The following TLN2 variants were observed in gnomAD, a reference collection of about 807,000 sequenced individuals.
TLN2 encodes talin-2.
TLN2 carries 118 observed loss-of-function variants against 294.7 expected under a neutral mutation model. The ratio of observed to expected loss-of-function variants is 0.40; its 90% CI spans 0.34 to 0.47. The LOEUF is 0.47. Ranked by LOEUF, TLN2 falls within the 20% of genes least tolerant of loss-of-function variation. The probability of loss-of-function intolerance (pLI) is 0.84; values close to 1 mark genes in which losing one functional copy is unlikely to be tolerated. For missense variants in TLN2, 3,083 were observed against 3,282.2 expected, an observed-to-expected ratio of 0.94 and a Z score of 1.48; for synonymous variants, 1,431 against 1,304.5, an observed-to-expected ratio of 1.10 and a Z score of -2.09.
At chr15:62,625,160 A>T (rs2049168308) in intron 3 of TLN2, among the ~76,000 whole-genome samples, 1 of 152,096 alleles carries the variant, frequency 6.6e-6, no homozygotes. Context: ...CTTGCAAACC[A>T]CACAGAACTG....
At chr15:62,775,982 G>C (rs1435879787) in intron 42 of TLN2, among the ~76,000 whole-genome samples, 2 of 152,168 alleles carry the variant, frequency 1.3e-5, no homozygotes, top group Non-Finnish European at 2.9e-5. Flanking sequence ...CCAAGCCCAG[G>C]GCCACTTACC....
intron 1 of TLN2, among the ~76,000 whole-genome samples, chr15:62,532,927 G>A (rs2041127328): frequency 2.0e-5 from 3 of 152,236 alleles, no homozygotes; most frequent in Admixed American, 2.0e-4. Flanking sequence ...ATTTTTATGT[G>A]TGCAGGAATT....
intron 54 of TLN2, among the ~76,000 whole-genome samples, chr15:62,825,388 T>A (rs2067961259): frequency 6.6e-6 from 1 of 152,106 alleles, no homozygotes; most frequent in African/African-American, 2.4e-5. Flanking sequence ...TTTCTTTGGG[T>A]GACTTTGTCA....
chr15:62,503,220 T>TA (rs138630216), intron 1 of TLN2, among the ~76,000 whole-genome samples: 1 of 151,904 alleles, frequency 6.6e-6, no homozygotes, highest in South Asian at 2.1e-4. Context: ...TATAGAAAAA[T>TA]AAAAAAATAA....
intron 1 of TLN2, among the ~76,000 whole-genome samples, chr15:62,401,060 C>A (rs1275683676): frequency 6.6e-6 from 1 of 152,070 alleles, no homozygotes; most frequent in East Asian, 1.9e-4. Flanking sequence ...AAGTGATCTG[C>A]CTTCCTCGGC....
intron 1 of TLN2, among the ~76,000 whole-genome samples, chr15:62,473,517 A>G (rs917332151): frequency 1.2e-4 from 18 of 152,174 alleles, no homozygotes; most frequent in African/African-American, 3.9e-4. Context: ...TCGTAGTTGC[A>G]CTACCTATGT....
intron 28 of TLN2, among the ~76,000 whole-genome samples, chr15:62,731,592 G>A (rs1363171423): frequency 6.6e-6 from 1 of 152,108 alleles, no homozygotes; most frequent in Non-Finnish European, 1.5e-5. Context: ...GGGCTATTCT[G>A]TTTTTTTGGG....
chr15:62,455,530 G>T (rs1192128743), intron 1 of TLN2, among the ~76,000 whole-genome samples: 1 of 152,176 alleles, frequency 6.6e-6, no homozygotes, highest in Non-Finnish European at 1.5e-5. Context: ...AGTGTCGGTT[G>T]TGAGCTGTCT....
chr15:62,433,123 A>T (rs1015885823), intron 1 of TLN2, among the ~76,000 whole-genome samples: 5 of 152,266 alleles, frequency 3.3e-5, no homozygotes, highest in African/African-American at 1.2e-4. Flanking sequence ...TGGTGATGTG[A>T]ATTTCAACCT....
intron 28 of TLN2, among the ~76,000 whole-genome samples, chr15:62,734,415 G>A (rs2060895326): frequency 6.6e-6 from 1 of 152,196 alleles, no homozygotes; most frequent in Non-Finnish European, 1.5e-5. Context: ...GGGAGGCCCA[G>A]AGGGAAAAGG....
At chr15:62,687,611 A>G (rs1019020249) in intron 12 of TLN2, among the ~76,000 whole-genome samples, 1 of 152,250 alleles carries the variant, frequency 6.6e-6, no homozygotes, top group African/African-American at 2.4e-5. Flanking sequence ...AGAAAAATCA[A>G]AAAGTGCTAG....
chr15:62,762,832 T>A (rs914882522), intron 39 of TLN2, among the ~76,000 whole-genome samples: 2 of 152,200 alleles, frequency 1.3e-5, no homozygotes, highest in South Asian at 4.1e-4. Context: ...AGGAGTTTAG[T>A]CATTGAGCAC....
intron 40 of TLN2, among the ~76,000 whole-genome samples, chr15:62,764,063 G>A (rs772983773): frequency 1.3e-5 from 2 of 152,172 alleles, no homozygotes; most frequent in African/African-American, 4.8e-5. Context: ...CTCTGTTGTC[G>A]TATTTCATCA....
At chr15:62,534,744 G>A (rs920520524) in intron 1 of TLN2, among the ~76,000 whole-genome samples, 7 of 152,110 alleles carry the variant, frequency 4.6e-5, no homozygotes, top group African/African-American at 1.4e-4. Flanking sequence ...CTGGCTAGGG[G>A]CCCCTAGTCA....
chr15:62,697,168 C>T (rs896135966), intron 14 of TLN2, among the ~76,000 whole-genome samples: 3 of 152,132 alleles, frequency 2.0e-5, no homozygotes, highest in Admixed American at 6.5e-5. Context: ...AGTACAGTGG[C>T]GCGATCATAG....
intron 3 of TLN2, among the ~76,000 whole-genome samples, chr15:62,642,222 A>C (rs943321685): frequency 6.6e-6 from 1 of 152,260 alleles, no homozygotes; most frequent in African/African-American, 2.4e-5. Flanking sequence ...TGAGTAAAGA[A>C]AAAACAAAAA....
chr15:62,732,319 G>A (rs1364868906), intron 28 of TLN2, among the ~76,000 whole-genome samples: 1 of 152,192 alleles, frequency 6.6e-6, no homozygotes, highest in Non-Finnish European at 1.5e-5. Flanking sequence ...CAGCCTAGAA[G>A]TAGCCCCATT....
intron 52 of TLN2, among the ~76,000 whole-genome samples, chr15:62,816,391 A>G (rs1028382586): frequency 1.4e-4 from 22 of 152,242 alleles, no homozygotes; most frequent in African/African-American, 5.3e-4. Flanking sequence ...GGCTAAAATT[A>G]TCCTTGCTTC....
intron 39 of TLN2, among the ~76,000 whole-genome samples, chr15:62,762,943 A>C (rs1294705852): frequency 6.6e-6 from 1 of 152,240 alleles, no homozygotes; most frequent in Admixed American, 6.5e-5. Flanking sequence ...GACCTTGTCG[A>C]TAGTGGGAGC....
Sources: gnomAD v4.1 joint callset for allele counts (sites outside exome capture counted in the v4.1 genomes callset) on GRCh38, gnomAD v4.1.1 for gene constraint, MANE v1.5 for transcripts, NCBI Gene and HGNC (gene_info 2026-07-23, HGNC 2026-07-21) for gene names.